Variants in TCF4 observed in about 807,000 individuals in gnomAD.
The protein encoded by TCF4 is SL3-3 enhancer factor 2.
Under a neutral mutation model 82.1 loss-of-function variants are expected in TCF4, and 3 were observed. That is an observed-to-expected ratio of 0.04 (90% confidence interval 0.02 to 0.09). The LOEUF (loss-of-function observed/expected upper bound fraction) is 0.09, where lower values mean the gene tolerates loss of function less well. Among genes scored for constraint, TCF4 ranks in the 10% least tolerant of loss-of-function variants. The probability of loss-of-function intolerance (pLI) is 1.00; values close to 1 mark genes in which losing one functional copy is unlikely to be tolerated. For missense variants in TCF4, 518 were observed against 852.7 expected (o/e 0.61, Z 4.89); for synonymous variants, 276 against 309.6 (o/e 0.89, Z 1.14).
At chr18:55,606,319 G>C (rs1490957437) in intron 2 of TCF4, among the ~76,000 whole-genome samples, 4 of 152,110 alleles carry the variant, frequency 2.6e-5, no homozygotes, top group African/African-American at 9.7e-5. Context: ...TTACTTTTGA[G>C]AGTGTGAAAA....
intron 3 of TCF4, among the ~76,000 whole-genome samples, chr18:55,549,963 C>T (rs572355827): frequency 1.3e-5 from 2 of 152,270 alleles, no homozygotes; most frequent in African/African-American, 2.4e-5. Flanking sequence ...AAATCATGCC[C>T]TTGCCTAGCA....
intron 3 of TCF4, among the ~76,000 whole-genome samples, chr18:55,545,512 G>A (rs1043999271): frequency 6.6e-6 from 1 of 152,046 alleles, no homozygotes; most frequent in Non-Finnish European, 1.5e-5. Context: ...GCAGTGGCGG[G>A]ATCTCAGCTC....
At chr18:55,595,960 C>A in intron 2 of TCF4, 1 of 275,988 alleles carries the variant, frequency 3.6e-6, no homozygotes, top group South Asian at 2.8e-5. Flanking sequence ...AGGCCAGGTA[C>A]AGTGGCTCGC....
At chr18:55,260,848 C>T (rs980056692) in intron 12 of TCF4, among the ~76,000 whole-genome samples, 5 of 152,180 alleles carry the variant, frequency 3.3e-5, no homozygotes, top group Non-Finnish European at 2.9e-5. Context: ...GTGTGAGCCA[C>T]ACTACCTGGC....
At chr18:55,501,112 A>T (rs143008456) in intron 3 of TCF4, among the ~76,000 whole-genome samples, 281 of 152,300 alleles carry the variant, frequency 1.8e-3, no homozygotes, top group African/African-American at 5.8e-3. Flanking sequence ...TCCCTAGAGG[A>T]TGCAGAATTT....
At chr18:55,555,263 T>C (rs963659210) in intron 3 of TCF4, among the ~76,000 whole-genome samples, 4 of 152,046 alleles carry the variant, frequency 2.6e-5, no homozygotes, top group Non-Finnish European at 5.9e-5. Flanking sequence ...TACTACAAAT[T>C]CAAACAATGC....
chr18:55,261,065 T>C (rs1379127808), intron 12 of TCF4: 1 of 162,050 alleles, frequency 6.2e-6, no homozygotes, highest in Non-Finnish European at 1.3e-5. Context: ...ACCTCAGTTA[T>C]TGTCTTTTTT....
intron 8 of TCF4, among the ~76,000 whole-genome samples, chr18:55,318,785 T>C (rs2074779968): frequency 6.6e-6 from 1 of 152,148 alleles, no homozygotes; most frequent in African/African-American, 2.4e-5. Flanking sequence ...TAAAATATCA[T>C]TGATTATATT....
intron 17 of TCF4, chr18:55,230,910 G>T (rs1016116434): frequency 2.0e-5 from 3 of 152,264 alleles, no homozygotes; most frequent in Admixed American, 2.0e-4. Flanking sequence ...TTGGGTGAAG[G>T]AGAAAAGTTA....
upstream of TCF4, chr18:55,588,753 G>C: frequency 8.0e-7 from 1 of 1,245,352 alleles, no homozygotes; most frequent in Non-Finnish European, 1.0e-6. Flanking sequence ...TTTTCGTTTC[G>C]GTAGTTTTGC....
chr18:55,226,517 G>GTA lies in TCF4; in HGVS notation c.*1516_*1517dup, dbSNP rs1394587520. The stretch of plus-strand genomic sequence containing the variant: ...TCTATGTTTCTATCAAATATGGTAA[G>GTA]TATAAACTTCATTCATACTGGCCAG... On this transcript the variant is annotated 3_prime_UTR_variant, in exon 20 of 20. Transcript: ENST00000354452. 6.6e-6 allele frequency: 1 copy of GTA among 152,576 alleles called. No individual in the cohort carries two copies. Among genetic ancestry groups the GTA allele is most frequent in the Non-Finnish European group, 1.5e-5 (1 of 68,014 alleles). 9.5% of individuals were successfully genotyped at this position (152,576 alleles called of 1,614,324 possible).
intron 6 of TCF4, among the ~76,000 whole-genome samples, chr18:55,364,351 T>A (rs2086265204): frequency 6.6e-6 from 1 of 152,196 alleles, no homozygotes; most frequent in Non-Finnish European, 1.5e-5. Context: ...AATTTACATT[T>A]AATGAAAAAG....
At chr18:55,350,250 A>G in intron 8 of TCF4, 109 bp downstream of exon 8, 1 of 1,167,130 alleles carries the variant, frequency 8.6e-7, no homozygotes, top group African/African-American at 1.5e-5. Context: ...CCTTCTAGAT[A>G]AACGTGCTGC....
chr18:55,367,729 T>C (rs1245059678), intron 6 of TCF4, among the ~76,000 whole-genome samples: 1 of 152,140 alleles, frequency 6.6e-6, no homozygotes, highest in Non-Finnish European at 1.5e-5. Context: ...GTGAAATGAG[T>C]GAAGTTTGCA....
intron 5 of TCF4, among the ~76,000 whole-genome samples, chr18:55,414,536 C>G (rs2094461228): frequency 6.6e-6 from 1 of 152,148 alleles, no homozygotes; most frequent in Non-Finnish European, 1.5e-5. Context: ...CAGAGATACA[C>G]AGAAATCACT....
chr18:55,504,841 T>A (rs975048780), intron 3 of TCF4, among the ~76,000 whole-genome samples: 2 of 152,142 alleles, frequency 1.3e-5, no homozygotes, highest in African/African-American at 4.8e-5. Flanking sequence ...CTCTCCCATA[T>A]TTGGCAGAAA....
intron 17 of TCF4, chr18:55,230,288 A>G (rs2047549547): frequency 6.6e-6 from 1 of 152,246 alleles, no homozygotes; most frequent in Non-Finnish European, 1.5e-5. Context: ...TGAGTGTTAC[A>G]GTGACAAATT....
At chr18:55,511,400 A>G (rs1216197309) in intron 3 of TCF4, among the ~76,000 whole-genome samples, 1 of 148,918 alleles carries the variant, frequency 6.7e-6, no homozygotes, top group Non-Finnish European at 1.5e-5. Context: ...TACTATTTTA[A>G]TAAGGTATAT....
intron 3 of TCF4, among the ~76,000 whole-genome samples, chr18:55,503,530 C>T (rs1211014329): frequency 6.6e-6 from 1 of 152,228 alleles, no homozygotes; most frequent in Non-Finnish European, 1.5e-5. Flanking sequence ...AGAGATTCTA[C>T]TGACAGCATC....
Sources: allele counts gnomAD v4.1 joint callset (sites outside exome capture counted in the v4.1 genomes callset), GRCh38; gene constraint gnomAD v4.1.1; transcripts MANE v1.5; gene names NCBI Gene and HGNC (gene_info 2026-07-23, HGNC 2026-07-21).